The following MYEF2 variants were observed in gnomAD, a reference collection of about 807,000 sequenced individuals.
MYEF2 encodes myelin expression factor 2.
A neutral mutation model predicts 75.2 loss-of-function variants in MYEF2; 37 were observed. That is an observed-to-expected ratio of 0.49 (90% CI 0.38 to 0.65). The LOEUF (loss-of-function observed/expected upper bound fraction) is 0.65, where lower values mean the gene tolerates loss of function less well. MYEF2 is among the 30% of genes least tolerant of loss of function. MYEF2 has a pLI of 0.00. For missense variants in MYEF2, 634 were observed against 771.4 expected (o/e 0.82, Z 2.11); for synonymous variants, 195 against 241.6 (o/e 0.81, Z 1.79).
At chr15:48,145,031 C>A (rs886631528) in intron 16 of MYEF2, among the ~76,000 whole-genome samples, 2 of 151,558 alleles carry the variant, frequency 1.3e-5, no homozygotes, top group Non-Finnish European at 3.0e-5. Context: ...TTTTGTTTTT[C>A]TCTTAAATTG....
At position 48,142,324 on chromosome 15, in the gene MYEF2, TAATA is replaced by T. The variant is rs1158291670; in HGVS notation, c.*580_*583del. 1 of 1,607,944 alleles carries T rather than the reference TAATA, an allele frequency of 6.2e-7. No individual in the cohort carries two copies. Among genetic ancestry groups the T allele is most frequent in the Admixed American group, 1.7e-5 (1 of 59,256 alleles). On this transcript the variant is annotated 3_prime_UTR_variant, in exon 17 of 17. Transcript: ENST00000324324. ...TATATGAACTTGGAATTATTGGAAA[TAATA>T]AAATAAGGGGCTGTGGAGGTTGATA...
chr15:48,147,350 C>A (rs1012108633), intron 16 of MYEF2, among the ~76,000 whole-genome samples: 1 of 151,920 alleles, frequency 6.6e-6, no homozygotes, highest in Non-Finnish European at 1.5e-5. Flanking sequence ...CAATGGTCAC[C>A]TTTTCATTGT....
intron 1 of MYEF2, among the ~76,000 whole-genome samples, chr15:48,174,376 T>G (rs2040441599): frequency 9.4e-6 from 1 of 105,892 alleles, no homozygotes; most frequent in South Asian, 3.8e-4. Flanking sequence ...CTCCATGACC[T>G]TGGCCTTGGC....
intron 5 of MYEF2, among the ~76,000 whole-genome samples, chr15:48,161,363 A>G (rs560903215): frequency 6.6e-6 from 1 of 152,138 alleles, no homozygotes; most frequent in East Asian, 1.9e-4. Flanking sequence ...CTGTTAAGGA[A>G]CATTGGAAAT....
In MYEF2 at chr15:48,149,414, T is replaced by G. The variant is rs1400165908; in HGVS notation, c.1379-43A>C. On this transcript the variant is annotated intron_variant, in intron 14 of 16. Coordinates refer to ENST00000324324, the MANE Select transcript of MYEF2 (RefSeq NM_016132.5). The surrounding 1 kb of genome is among the most constrained non-coding windows in gnomAD (Gnocchi z 4.0). ...GACGGGGGGATTTGGGAATTTTGTGTTTTTGTTTCAAAAACATAAGGAAAA... is the reference window on the plus strand; with the variant it reads ...GACGGGGGGATTTGGGAATTTTGTGGTTTTGTTTCAAAAACATAAGGAAAA... 1.3e-6 allele frequency: 2 copies of G among 1,588,942 alleles called. No homozygotes were observed. The highest frequency in any genetic ancestry group is 2.2e-5 in the East Asian group (1 of 44,684).
rs2039142518 is a variant in MYEF2, at chr15:48,143,079, A to T, written c.1640-8T>A. 1 of 1,502,990 alleles carries T rather than the reference A, an allele frequency of 6.7e-7. No individual in the cohort carries two copies. The highest frequency in any genetic ancestry group is 8.9e-7 in the Non-Finnish European group (1 of 1,127,752). The allele number at this position is 1,502,990 out of a possible 1,614,324, so 93.1% of individuals were successfully genotyped here. On this transcript the variant is annotated splice_region_variant and splice_polypyrimidine_tract_variant and intron_variant, in intron 16 of 16. Transcript: ENST00000324324. ...CTGCAAACATTACATGACCTGTAAA[A>T]TAAAAGTTACAGAATTACTAGTCAG...
Position 48,141,835 on chromosome 15 carries a change from A to G in MYEF2, c.*1073T>C. 2.6e-6 allele frequency: 1 copy of G among 379,664 alleles called. No individual in the cohort carries two copies. Among genetic ancestry groups the G allele is most frequent in the Non-Finnish European group, 4.7e-6 (1 of 214,674 alleles). The allele number at this position is 379,664 out of a possible 1,614,324, so 23.5% of individuals were successfully genotyped here. A position where few individuals can be genotyped will look rare whatever the true frequency, so the allele number is the denominator to read the frequency against. ...AATGGTTTAATAAATATAATTATTA[A>G]ATAAATGTTAAGACTTTAAATACTA... On this transcript the variant is annotated 3_prime_UTR_variant, in exon 17 of 17. Transcript: ENST00000324324.
Position 48,150,235 on chromosome 15 carries a change from C to T in MYEF2, c.1379-864G>A, listed in dbSNP as rs746877285. 6.6e-5 allele frequency among the ~76,000 whole-genome samples: 10 copies of T among 151,720 alleles called. 1 individual carries two copies. Among genetic ancestry groups the T allele is most frequent in the Non-Finnish European group, 1.0e-4 (7 of 67,884 alleles). ...ATATAAAATCAGGGAAACAGAAGTA[C>T]AAACACTGAGATAAAAGAGGAAGGT... On this transcript the variant is annotated intron_variant, in intron 14 of 16. Coordinates refer to ENST00000324324, the MANE Select transcript of MYEF2 (RefSeq NM_016132.5).
chr15:48,162,224 A>T (rs964483204), intron 5 of MYEF2, among the ~76,000 whole-genome samples: 2 of 152,094 alleles, frequency 1.3e-5, no homozygotes, highest in African/African-American at 4.8e-5. Context: ...AGACTCTTGG[A>T]CAGGAGTAAC....
rs773720672 is a variant in MYEF2 at position 48,149,252 on chromosome 15, C to T, written c.1498G>A (p.Asp500Asn). The stretch of plus-strand genomic sequence containing the variant: ...CCCGATAAAAATCCTCGATCCATAT[C>T]GATGCTCCTTTCCAGTATAGCTCCT... ...GIGAILERSI[D>N]MDRGFLSGPM... The change falls in exon 15 of 17, where the codon GAT becomes AAT. Residue 500 changes from aspartate to asparagine, a missense_variant. Asp to Asn is a conservative substitution (Grantham distance 23). Transcript: ENST00000324324. This position sits in a 1 kb window ranked among gnomAD's most constrained non-coding sequence, Gnocchi z 4.0. The T allele has an allele frequency of 1.4e-5, 22 of 1,613,274 alleles. No individual in the cohort carries two copies. The highest frequency in any genetic ancestry group is 1.6e-4 in the Middle Eastern group (1 of 6,080).
intron 14 of MYEF2, 68 bp downstream of exon 14, chr15:48,151,032 C>G: frequency 9.3e-7 from 1 of 1,072,706 alleles, no homozygotes; most frequent in Non-Finnish European, 1.4e-6. Flanking sequence ...ACTACGATAA[C>G]TACTCTTGCA....
Position 48,151,264 on chromosome 15 carries a change from T to C in MYEF2, c.1307-93A>G, listed in dbSNP as rs761022590. On this transcript the variant is annotated intron_variant, in intron 13 of 16. Transcript: ENST00000324324. ...ACTATGTGCTCTGATTTACAATAAA[T>C]GAAAAGCATAAAGTCTTCTGAAAAT... 1.3e-5 allele frequency: 16 copies of C among 1,187,638 alleles called. No individual in the cohort carries two copies. In the Admixed American group the frequency reaches 1.5e-4, roughly 11 times the overall value. The allele number at this position is 1,187,638 out of a possible 1,614,324, so 73.6% of individuals were successfully genotyped here. A position where few individuals can be genotyped will look rare whatever the true frequency, so the allele number is the denominator to read the frequency against.
In MYEF2 at chr15:48,149,756, AATAATATCAAGC is replaced by A. The variant is rs2039424979; in HGVS notation, c.1379-397_1379-386del. On this transcript the variant is annotated intron_variant, in intron 14 of 16. Coordinates refer to ENST00000324324, the MANE Select transcript of MYEF2 (RefSeq NM_016132.5). The surrounding 1 kb of genome is among the most constrained non-coding windows in gnomAD (Gnocchi z 4.0). ...GTTCTGATCCTTATTTTTATTTTCC[AATAATATCAAGC>A]ATAATAATTGCTAAAATAAAGATAC... is the stretch of plus-strand genomic sequence containing the variant. 1 of 155,096 alleles carries A rather than the reference AATAATATCAAGC, an allele frequency of 6.4e-6. No individual in the cohort carries two copies. 9.6% of individuals were successfully genotyped at this position (155,096 alleles called of 1,614,324 possible). A position where few individuals can be genotyped will look rare whatever the true frequency, so the allele number is the denominator to read the frequency against.
chr15:48,166,451 G>C (rs2140914888), intron 3 of MYEF2, among the ~76,000 whole-genome samples: 1 of 151,848 alleles, frequency 6.6e-6, no homozygotes, highest in East Asian at 1.9e-4. Context: ...AATAACTAAA[G>C]GCTCCAATAG....
At position 48,149,025 on chromosome 15, in the gene MYEF2, T is replaced by A; in HGVS notation, c.1639+7A>T. The A allele has an allele frequency of 6.2e-7, 1 of 1,612,842 alleles. No individual in the cohort carries two copies. The highest frequency in any genetic ancestry group is 1.1e-5 in the South Asian group (1 of 91,040). Reference sequence around the variant, plus strand: ...ATCAACATATCTGCAGTCATTTGCATACTTACCACACTGACTGAATTTCTC... The same window carrying A: ...ATCAACATATCTGCAGTCATTTGCAAACTTACCACACTGACTGAATTTCTC... On this transcript the variant is annotated splice_region_variant and intron_variant, in intron 16 of 16. Transcript: ENST00000324324. The surrounding 1 kb of genome is among the most constrained non-coding windows in gnomAD (Gnocchi z 4.0).
Position 48,135,595 on chromosome 15 carries a change from A to G in MYEF2, c.*7313T>C, listed in dbSNP as rs1055710507. 2 of 152,412 alleles carry G rather than the reference A, an allele frequency of 1.3e-5. No homozygotes were observed. Among genetic ancestry groups the G allele is most frequent in the African/African-American group, 4.8e-5 (2 of 41,412 alleles). 9.4% of individuals were successfully genotyped at this position (152,412 alleles called of 1,614,324 possible). A position where few individuals can be genotyped will look rare whatever the true frequency, so the allele number is the denominator to read the frequency against. Reference sequence around the variant, plus strand: ...CTAACTTTTTCAACTAGTAAGCAGCAGGCACCTACTAGGTCCTTCTCACTA... The same window carrying G: ...CTAACTTTTTCAACTAGTAAGCAGCGGGCACCTACTAGGTCCTTCTCACTA... On this transcript the variant is annotated 3_prime_UTR_variant, in exon 17 of 17. Coordinates refer to ENST00000324324, the MANE Select transcript of MYEF2 (RefSeq NM_016132.5).
chr15:48,171,192 C>T (rs957920574), intron 1 of MYEF2, among the ~76,000 whole-genome samples: 3 of 152,168 alleles, frequency 2.0e-5, no homozygotes, highest in African/African-American at 7.2e-5. Context: ...TCCCAAAGGG[C>T]CTGTTTACAT....
At position 48,159,805 on chromosome 15, in the gene MYEF2, C is replaced by G. The variant is rs1482861217; in HGVS notation, c.526-1G>C. 6.2e-7 allele frequency: 1 copy of G among 1,606,948 alleles called. No homozygotes were observed. The highest frequency in any genetic ancestry group is 1.3e-5 in the African/African-American group (1 of 74,576). On this transcript the variant is annotated splice_acceptor_variant, in intron 5 of 16. Transcript: ENST00000324324. LOFTEE classifies it high-confidence loss of function. ...TACGAGCATTTTCTCCATCAGGATC[C>G]TATAACACACATTGAATGTTAAATT...
Position 48,178,218 on chromosome 15 carries a change from G to A in MYEF2, c.20C>T (p.Ala7Val), listed in dbSNP as rs889342643. The change falls in exon 1 of 17, where the codon GCC becomes GTC. Residue 7 changes from alanine (A) to valine (V), a missense_variant. By Grantham distance (64) the Ala-to-Val change is moderately conservative (BLOSUM62 0). Coordinates refer to ENST00000324324, the MANE Select transcript of MYEF2 (RefSeq NM_016132.5). Reference sequence around the variant, plus strand: ...GCCACCAGTGGCCCCGGGCACCTCGGCCTTGTTGGCGTCCGCCATCCCGCC... The same window carrying A: ...GCCACCAGTGGCCCCGGGCACCTCGACCTTGTTGGCGTCCGCCATCCCGCC... Reference protein sequence around the residue: MADANKAEVPGATGGDS... With the variant: MADANKVEVPGATGGDS... 17 of 1,429,424 alleles carry A rather than the reference G, an allele frequency of 1.2e-5. No homozygotes were observed. Among genetic ancestry groups the A allele is most frequent in the Non-Finnish European group, 1.6e-5 (17 of 1,096,402 alleles). The allele number at this position is 1,429,424 out of a possible 1,614,324, so 88.5% of individuals were successfully genotyped here.
Sources: gnomAD v4.1 joint callset for allele counts (sites outside exome capture counted in the v4.1 genomes callset) on GRCh38, gnomAD v4.1.1 for gene constraint, Gnocchi (gnomAD v3.1) non-coding constraint, MANE v1.5 for transcripts, NCBI Gene and HGNC (gene_info 2026-07-23, HGNC 2026-07-21) for gene names.